DDX52: variants seen among roughly 807,000 people sequenced by gnomAD.
The protein encoded by DDX52 is DExD-box helicase 52.
In DDX52, 59 loss-of-function variants were observed where a neutral mutation model predicts 76.1. The observed-to-expected ratio is 0.78, with a 90% confidence interval of 0.63 to 0.96. The LOEUF is 0.96. Ranked by LOEUF, DDX52 falls within the 40% of genes least tolerant of loss-of-function variation. DDX52 has a pLI of 0.00. For missense variants in DDX52, 707 were observed against 703.9 expected (o/e 1.00, Z -0.05); for synonymous variants, 231 against 244.1 (o/e 0.95, Z 0.50).
chr17:37,624,349 T>A lies in DDX52; in HGVS notation c.1222A>T (p.Lys408Ter). 3.1e-6 allele frequency: 5 copies of A among 1,606,812 alleles called. No homozygotes were observed. The highest frequency in any genetic ancestry group is 4.3e-6 in the Non-Finnish European group (5 of 1,175,640). The change falls in exon 9 of 15, where the codon AAA becomes TAA. Residue 408 changes from lysine (K) to a stop codon, truncating the protein, a stop_gained. Transcript: ENST00000617633. LOFTEE classifies it high-confidence loss of function. ...GKLLAVRELV[K>*]KGFNPPVLVF... Reference sequence around the variant, plus strand: ...AGAAGGTAATACAAATATACCTTTTTAACAAGTTCTCTCACGGCCAGAAGT... The same window carrying A: ...AGAAGGTAATACAAATATACCTTTTAAACAAGTTCTCTCACGGCCAGAAGT...
chr17:37,634,584 T>G (rs1257560470), intron 2 of DDX52, among the ~76,000 whole-genome samples: 1 of 151,576 alleles, frequency 6.6e-6, no homozygotes, highest in South Asian at 2.1e-4. Context: ...TGAGCCAAGA[T>G]TGTGCCACTG....
chr17:37,627,779 T>G (rs1350839835), intron 6 of DDX52, among the ~76,000 whole-genome samples: 1 of 151,946 alleles, frequency 6.6e-6, no homozygotes, highest in Non-Finnish European at 1.5e-5. Flanking sequence ...TTCTTTTTGT[T>G]TTTTTTAAGA....
intron 4 of DDX52, among the ~76,000 whole-genome samples, chr17:37,630,523 A>AT (rs1390514285): frequency 1.3e-5 from 2 of 152,102 alleles, no homozygotes; most frequent in African/African-American, 2.4e-5. Context: ...TGGTATCTGT[A>AT]TTGTTCAATC....
rs2147326089 is a variant in DDX52, at chr17:37,612,003, T to TA, written c.*2292dup. 6.7e-6 allele frequency: 1 copy of TA among 148,734 alleles called. No homozygotes were observed. The highest frequency in any genetic ancestry group is 6.7e-5 in the Admixed American group (1 of 14,870). 9.2% of individuals were successfully genotyped at this position (148,734 alleles called of 1,614,324 possible). ...ACAAAAAAACTCATAAAGTAAAAGTTACAGTAAGCTAAGGTTAATTTATTG... is the reference window on the plus strand; with the variant it reads ...ACAAAAAAACTCATAAAGTAAAAGTTAACAGTAAGCTAAGGTTAATTTATTG... On this transcript the variant is annotated 3_prime_UTR_variant, in exon 15 of 15. Transcript: ENST00000617633.
intron 8 of DDX52, among the ~76,000 whole-genome samples, chr17:37,625,407 G>C (rs1242641798): frequency 2.0e-5 from 3 of 152,128 alleles, no homozygotes; most frequent in Admixed American, 2.0e-4. Context: ...TATAGCTACA[G>C]TCTTCCTACA....
intron 2 of DDX52, among the ~76,000 whole-genome samples, chr17:37,637,131 AT>A (rs909205153): frequency 7.7e-4 from 114 of 148,182 alleles, no homozygotes; most frequent in African/African-American, 2.2e-3. Context: ...CGTGCAGCTA[AT>A]TTTTTTTTTT....
chr17:37,616,241 A>C (rs2064423759), intron 14 of DDX52, among the ~76,000 whole-genome samples: 1 of 152,170 alleles, frequency 6.6e-6, no homozygotes, highest in African/African-American at 2.4e-5. Flanking sequence ...TCTCCTACCA[A>C]CAAGTCTATT....
chr17:37,640,686 A>AG (rs1055378334), intron 2 of DDX52, among the ~76,000 whole-genome samples: 1 of 124,970 alleles, frequency 8.0e-6, no homozygotes, highest in Non-Finnish European at 1.6e-5. Flanking sequence ...GTACAGTACA[A>AG]GAAAAAAAAA....
chr17:37,616,524 G>A (rs1049214977), intron 14 of DDX52, among the ~76,000 whole-genome samples: 17 of 151,798 alleles, frequency 1.1e-4, no homozygotes, highest in Admixed American at 2.0e-4. Context: ...GCATGGTGGC[G>A]GGTGCCTGTA....
chr17:37,628,773 A>C, intron 5 of DDX52, 101 bp from the exon 6 acceptor site: 2 of 823,508 alleles, frequency 2.4e-6, no homozygotes, highest in Admixed American at 3.2e-5. Flanking sequence ...CAACCCATGA[A>C]TATCTGAAAT....
Position 37,621,398 on chromosome 17 carries a change from C to T in DDX52, c.1350G>A (p.Gln450=). Residue 450 remains glutamine, a splice_region_variant and synonymous_variant, in exon 10 of 15, where the codon CAG becomes CAA. Transcript: ENST00000617633. ...DVIHAERTQQ[Q]RDNTVHSFRA... ...TTTCAAAGTATATATTTGACTTTAC[C>T]TGTTGTTGTGTTCTCTCTGCATGAA... 1.1e-5 allele frequency: 18 copies of T among 1,609,464 alleles called. No individual in the cohort carries two copies. Among genetic ancestry groups the T allele is most frequent in the Non-Finnish European group, 1.4e-5 (17 of 1,178,768 alleles).
intron 6 of DDX52, among the ~76,000 whole-genome samples, chr17:37,627,862 C>T (rs977290657): frequency 2.0e-5 from 3 of 151,876 alleles, no homozygotes; most frequent in Non-Finnish European, 2.9e-5. Context: ...TGAACTCCTG[C>T]GCTCAAGTGA....
chr17:37,621,104 G>T, intron 11 of DDX52, 23 bp downstream of exon 11: 1 of 1,593,656 alleles, frequency 6.3e-7, no homozygotes, highest in South Asian at 1.1e-5. Context: ...TGACAGAGGG[G>T]AAGGAAAAAA....
Position 37,621,173 on chromosome 17 carries a change from G to A in DDX52, c.1455C>T (p.Ile485=), listed in dbSNP as rs2030067388. The A allele has an allele frequency of 1.2e-6, 2 of 1,613,564 alleles. No homozygotes were observed. Among genetic ancestry groups the A allele is most frequent in the Non-Finnish European group, 8.5e-7 (1 of 1,179,834 alleles). ...CTGAGCTAGTTGGAAAGTCATAGTT[G>A]ATCACCAAGTTCACACCTTTAAAAT... ...GIDFKGVNLV[I]NYDFPTSSVE... Residue 485 remains isoleucine (I), a synonymous_variant, in exon 11 of 15, where the codon ATC becomes ATT. Coordinates refer to ENST00000617633, the MANE Select transcript of DDX52 (RefSeq NM_007010.5).
In DDX52 at chr17:37,642,134, T is replaced by C. The variant is rs2031229318; in HGVS notation, c.262A>G (p.Lys88Glu). 1 of 1,613,658 alleles carries C rather than the reference T, an allele frequency of 6.2e-7. No homozygotes were observed. ...CCTGAAGTCATCGTCTTCCTTTTTT[T>C]CTTGCTCTGCTCCCTCTTCCTTTCA... is the stretch of plus-strand genomic sequence containing the variant. ...LTERKREQSKKKRKTMTSEIA... is the reference protein window; with the variant it reads ...LTERKREQSKEKRKTMTSEIA... The change falls in exon 2 of 15, where the codon AAA (lysine) becomes GAA (glutamate). Residue 88 changes from lysine (K) to glutamate (E), a missense_variant. By Grantham distance (56) the Lys-to-Glu change is moderately conservative. Coordinates refer to ENST00000617633, the MANE Select transcript of DDX52 (RefSeq NM_007010.5).
intron 2 of DDX52, among the ~76,000 whole-genome samples, chr17:37,640,974 ACT>A (rs1161672867): frequency 6.6e-6 from 1 of 152,082 alleles, no homozygotes; most frequent in Non-Finnish European, 1.5e-5. Flanking sequence ...ACAGAGCGAG[ACT>A]CTGTCTCAAA....
rs1444689568 is a variant in DDX52, at chr17:37,610,138, T to C, written c.*4158A>G. 1 of 152,186 alleles carries C rather than the reference T, an allele frequency of 6.6e-6. No individual in the cohort carries two copies. Among genetic ancestry groups the C allele is most frequent in the African/African-American group, 2.4e-5 (1 of 41,292 alleles). The allele number at this position is 152,186 out of a possible 1,614,324, so 9.4% of individuals were successfully genotyped here. ...CATATTTTTTACTGATTTTTTTTTT[T>C]TTTGAGACAGGGTCTTGCTCTGTTG... is the stretch of plus-strand genomic sequence containing the variant. On this transcript the variant is annotated 3_prime_UTR_variant, in exon 15 of 15. Transcript: ENST00000617633.
chr17:37,614,072 G>A lies in DDX52; in HGVS notation c.*224C>T, dbSNP rs569551552. Reference sequence around the variant, plus strand: ...GAGGTCAGGAGTTCAAGACCAGCCTGGACAACATGGCAAGACCCTCATCTC... The same window carrying A: ...GAGGTCAGGAGTTCAAGACCAGCCTAGACAACATGGCAAGACCCTCATCTC... On this transcript the variant is annotated 3_prime_UTR_variant, in exon 15 of 15. Transcript: ENST00000617633. 4.1e-6 allele frequency: 2 copies of A among 487,262 alleles called. No homozygotes were observed. Among genetic ancestry groups the A allele is most frequent in the Non-Finnish European group, 7.1e-6 (2 of 280,560 alleles). The allele number at this position is 487,262 out of a possible 1,614,324, so 30.2% of individuals were successfully genotyped here.
intron 2 of DDX52, among the ~76,000 whole-genome samples, chr17:37,638,781 T>C (rs932228042): frequency 9.3e-5 from 14 of 150,034 alleles, no homozygotes; most frequent in African/African-American, 3.2e-4. Flanking sequence ...TTTTTTTTTT[T>C]TTTTTTGAGA....
Sources: gnomAD v4.1 joint callset for allele counts (sites outside exome capture counted in the v4.1 genomes callset) on GRCh38, gnomAD v4.1.1 for gene constraint, MANE v1.5 for transcripts, NCBI Gene and HGNC (gene_info 2026-07-23, HGNC 2026-07-21) for gene names.